The following TTC17 variants were observed in gnomAD, a reference collection of about 807,000 sequenced individuals.
TTC17 encodes tetratricopeptide repeat domain 17.
A neutral mutation model predicts 143.8 loss-of-function variants in TTC17; 58 were observed. That is an observed-to-expected ratio of 0.40 (90% confidence interval 0.33 to 0.50). TTC17 has a LOEUF of 0.50. Among genes scored for constraint, TTC17 ranks in the 20% least tolerant of loss-of-function variants. The pLI, the probability that TTC17 is intolerant of heterozygous loss-of-function variation, is 0.49. For missense variants in TTC17, 1,273 were observed against 1,392.5 expected (o/e 0.91, Z 1.37); for synonymous variants, 501 against 497.8 (o/e 1.01, Z -0.09).
chr11:43,433,882 T>A (rs1170992603), intron 16 of TTC17, among the ~76,000 whole-genome samples: 1 of 152,218 alleles, frequency 6.6e-6, no homozygotes, highest in African/African-American at 2.4e-5. Context: ...TCTCTGCTTT[T>A]AATAGTCGTG....
chr11:43,431,313 ATATT>A (rs2134682129), intron 16 of TTC17, among the ~76,000 whole-genome samples: 1 of 152,234 alleles, frequency 6.6e-6, no homozygotes, highest in South Asian at 2.1e-4. Flanking sequence ...GGGTCAAATG[ATATT>A]TCTAGTTCTA....
Position 43,399,973 on chromosome 11 carries a change from C to T in TTC17, c.1144C>T (p.His382Tyr), listed in dbSNP as rs772072242. 1 of 1,613,912 alleles carries T rather than the reference C, an allele frequency of 6.2e-7. No individual in the cohort carries two copies. Among genetic ancestry groups the T allele is most frequent in the South Asian group, 1.1e-5 (1 of 91,068 alleles). ...GAGACAGCAGGAAATCCTAGAAAAA[C>T]ATAAACTGATTCAGGAGGAGCAAAT... The part of the protein sequence containing the change: ...YLRQQEILEK[H>Y]KLIQEEQILR... The change falls in exon 9 of 24, where the codon CAT becomes TAT. Residue 382 changes from histidine to tyrosine, a missense_variant. By Grantham distance (83) the His-to-Tyr change is moderately conservative. This residue lies in a region of TTC17 where 325 missense variants were observed against 444.2 expected (regional missense o/e 0.73). Coordinates refer to ENST00000039989, the MANE Select transcript of TTC17 (RefSeq NM_018259.6).
At position 43,405,613 on chromosome 11, in the gene TTC17, G is replaced by T. The variant is rs774905667; in HGVS notation, c.1579G>T (p.Glu527Ter). ...GELPTYFLPP[E>*]NKGLRIHELS... The stretch of plus-strand genomic sequence containing the variant: ...ATTGCCAACGTATTTTCTGCCTCCG[G>T]AAAACAAAGGACTCAGGCAAGTGGT... Residue 527 changes from glutamate to a stop codon, truncating the protein, a stop_gained, in exon 12 of 24, where the codon GAA (glutamate) becomes TAA (stop). Transcript: ENST00000039989. LOFTEE classifies it high-confidence loss of function. 51 of 1,613,780 alleles carry T rather than the reference G, an allele frequency of 3.2e-5. No individual in the cohort carries two copies. Among genetic ancestry groups the T allele is most frequent in the Admixed American group, 1.3e-4 (8 of 59,964 alleles).
At chr11:43,471,629 G>T (rs770180029) in intron 21 of TTC17, among the ~76,000 whole-genome samples, 2 of 152,194 alleles carry the variant, frequency 1.3e-5, no homozygotes, top group South Asian at 4.1e-4. Flanking sequence ...GGAAGATTTC[G>T]AAGCCAAAAG....
At chr11:43,384,979 A>G (rs1364038336) in intron 2 of TTC17, among the ~76,000 whole-genome samples, 2 of 152,254 alleles carry the variant, frequency 1.3e-5, no homozygotes, top group African/African-American at 4.8e-5. Flanking sequence ...ACTTGCTAAC[A>G]ACCTACCAAA....
At chr11:43,387,979 A>G (rs1857230190) in intron 2 of TTC17, among the ~76,000 whole-genome samples, 1 of 152,258 alleles carries the variant, frequency 6.6e-6, no homozygotes, top group South Asian at 2.1e-4. Flanking sequence ...TATAGGTGTT[A>G]TGATCTACTG....
chr11:43,379,918 G>C (rs1160580572), intron 2 of TTC17, among the ~76,000 whole-genome samples: 1 of 151,418 alleles, frequency 6.6e-6, no homozygotes, highest in African/African-American at 2.4e-5. Context: ...AACAGTATTT[G>C]TTATTTGAAA....
At chr11:43,384,556 G>A (rs976607209) in intron 2 of TTC17, among the ~76,000 whole-genome samples, 21 of 152,208 alleles carry the variant, frequency 1.4e-4, no homozygotes, top group African/African-American at 5.1e-4. Flanking sequence ...TTGGGAGGCT[G>A]AGGTGGCAGG....
At chr11:43,467,921 G>A (rs1948011201) in intron 21 of TTC17, among the ~76,000 whole-genome samples, 2 of 151,074 alleles carry the variant, frequency 1.3e-5, no homozygotes, top group South Asian at 2.1e-4. Flanking sequence ...GAAGAGGAGA[G>A]AGAACAAGGC....
chr11:43,447,837 T>C (rs1947577418), intron 18 of TTC17, 165 bp from the exon 19 acceptor site: 1 of 764,070 alleles, frequency 1.3e-6, no homozygotes, highest in Non-Finnish European at 2.0e-6. Flanking sequence ...CATTGCATAA[T>C]GACGAGATTT....
chr11:43,449,404 G>C (rs996436439), intron 19 of TTC17: 3 of 152,150 alleles, frequency 2.0e-5, no homozygotes, highest in African/African-American at 7.2e-5. Flanking sequence ...TCCTTCACTA[G>C]CTACCCTCCT....
At chr11:43,436,798 C>T (rs1473611303) in intron 16 of TTC17, among the ~76,000 whole-genome samples, 1 of 152,266 alleles carries the variant, frequency 6.6e-6, no homozygotes, top group East Asian at 1.9e-4. Flanking sequence ...ACCCACTTGA[C>T]CACTTTACTC....
At position 43,414,647 on chromosome 11, in the gene TTC17, G is replaced by A. The variant is rs766016503; in HGVS notation, c.2122G>A (p.Ala708Thr). The A allele has an allele frequency of 6.2e-6, 10 of 1,613,604 alleles. No homozygotes were observed. The highest frequency in any genetic ancestry group is 8.5e-6 in the Non-Finnish European group (10 of 1,179,712). Residue 708 changes from alanine (A) to threonine (T), a missense_variant, in exon 16 of 24, where the codon GCA becomes ACA. Around this residue, in one of 3 missense-constraint regions of TTC17, gnomAD observed 878 missense variants for 899.8 expected, o/e 0.98. Transcript: ENST00000039989. The part of the protein sequence containing the change: ...AYLALKNISG[A>T]LEAFRQALKL... The stretch of plus-strand genomic sequence containing the variant: ...CCTTGCTCTGAAGAATATCAGTGGG[G>A]CACTTGAGGCCTTTAGACAGGCCTT...
intron 21 of TTC17, among the ~76,000 whole-genome samples, chr11:43,472,917 G>A (rs1344457962): frequency 6.6e-6 from 1 of 151,630 alleles, no homozygotes; most frequent in Non-Finnish European, 1.5e-5. Flanking sequence ...GCTCAAGCTT[G>A]TAATCCCAGC....
intron 16 of TTC17, chr11:43,435,442 A>G: frequency 6.6e-6 from 1 of 152,234 alleles, no homozygotes; most frequent in Non-Finnish European, 1.5e-5. Context: ...TACCCAGAGA[A>G]TGACCATCAG....
At chr11:43,447,034 T>G (rs1293989855) in intron 18 of TTC17, among the ~76,000 whole-genome samples, 4 of 152,070 alleles carry the variant, frequency 2.6e-5, no homozygotes, top group African/African-American at 9.7e-5. Flanking sequence ...TAAAACCTAC[T>G]TCAGGCCAGA....
chr11:43,385,330 T>C (rs919357005), intron 2 of TTC17, among the ~76,000 whole-genome samples: 1 of 152,128 alleles, frequency 6.6e-6, no homozygotes, highest in African/African-American at 2.4e-5. Context: ...ATAAAGGAAA[T>C]AATTTACAAA....
rs767256428 is a variant in TTC17 at position 43,396,795 on chromosome 11, G to A, written c.750G>A (p.Met250Ile). The change falls in exon 6 of 24, where the codon ATG (methionine) becomes ATA (isoleucine). Residue 250 changes from methionine to isoleucine, a missense_variant. Physicochemically the swap from Met to Ile is conservative, Grantham distance 10 (BLOSUM62 1). Coordinates refer to ENST00000039989, the MANE Select transcript of TTC17 (RefSeq NM_018259.6). ...CATATCAGGTAGTAGAATGTGCCAT[G>A]CGAGCACTTCACTTCTCTTCCAGGT... is the stretch of plus-strand genomic sequence containing the variant. ...NEPYQVVECA[M>I]RALHFSSRHN... is the part of the protein sequence containing the mutation. The A allele has an allele frequency of 6.2e-7, 1 of 1,609,094 alleles. No homozygotes were observed. The highest frequency in any genetic ancestry group is 8.5e-7 in the Non-Finnish European group (1 of 1,176,396).
At chr11:43,410,269 T>C (rs1858349940) in intron 15 of TTC17, among the ~76,000 whole-genome samples, 3 of 152,190 alleles carry the variant, frequency 2.0e-5, no homozygotes, top group Admixed American at 1.3e-4. Context: ...CCATCTCTCA[T>C]GTGTTAAAAA....
Sources: gnomAD v4.1 joint callset for allele counts (sites outside exome capture counted in the v4.1 genomes callset) on GRCh38, gnomAD v4.1.1 for gene constraint, gnomAD v4.1.1 regional missense constraint, MANE v1.5 for transcripts, NCBI Gene and HGNC (gene_info 2026-07-23, HGNC 2026-07-21) for gene names.